The following LARGE1 variants were observed in gnomAD, a reference collection of about 807,000 sequenced individuals.
The protein encoded by LARGE1 is LARGE xylosyl- and glucuronyltransferase 1.
LARGE1 carries 43 observed loss-of-function variants against 87.6 expected under a neutral mutation model. The observed-to-expected ratio is 0.49, with a 90% confidence interval of 0.38 to 0.63. The LOEUF (loss-of-function observed/expected upper bound fraction) is 0.63. LARGE1 is among the 30% of genes least tolerant of loss of function. The probability of loss-of-function intolerance (pLI) is 0.00; values close to 1 mark genes in which losing one functional copy is unlikely to be tolerated. For synonymous variants in LARGE1, 434 were observed against 394.6 expected, an observed-to-expected ratio of 1.10 and a Z score of -1.18; for missense variants, 802 against 1,000.2, an observed-to-expected ratio of 0.80 and a Z score of 2.67.
At chr22:33,787,347 C>T (rs2145954049) in intron 1 of LARGE1, among the ~76,000 whole-genome samples, 1 of 152,272 alleles carries the variant, frequency 6.6e-6, no homozygotes, top group Admixed American at 6.5e-5. Flanking sequence ...CTGATCAGGA[C>T]ATTTTCCCTA....
intron 2 of LARGE1, among the ~76,000 whole-genome samples, chr22:33,698,661 T>C (rs1023384472): frequency 6.6e-6 from 1 of 152,134 alleles, no homozygotes; most frequent in African/African-American, 2.4e-5. Context: ...CTCAGCTACA[T>C]CCCAGGTAGG....
chr22:33,650,118 C>T (rs1343619909), intron 3 of LARGE1, among the ~76,000 whole-genome samples: 1 of 152,196 alleles, frequency 6.6e-6, no homozygotes, highest in Non-Finnish European at 1.5e-5. Context: ...CATCAGTGAG[C>T]TCCTCTTAAT....
At chr22:33,760,509 G>A (rs555546537) in intron 2 of LARGE1, among the ~76,000 whole-genome samples, 1 of 152,184 alleles carries the variant, frequency 6.6e-6, no homozygotes, top group African/African-American at 2.4e-5. Flanking sequence ...CCATCACAAC[G>A]CGCATCGCAA....
intron 1 of LARGE1, among the ~76,000 whole-genome samples, chr22:33,773,197 C>T (rs1247774153): frequency 6.6e-6 from 1 of 152,228 alleles, no homozygotes; most frequent in Non-Finnish European, 1.5e-5. Flanking sequence ...GTGGAATTTC[C>T]TCCCTGAAGG....
the LARGE1 span, among the ~76,000 whole-genome samples, chr22:33,145,272 C>T: frequency 8.5e-5 from 13 of 152,270 alleles, no homozygotes; most frequent in Admixed American, 8.5e-4. Context: ...CCCACCCCTA[C>T]CACCATGTGC....
intron 11 of LARGE1, among the ~76,000 whole-genome samples, chr22:33,314,209 C>A (rs991984963): frequency 1.3e-5 from 2 of 152,090 alleles, no homozygotes; most frequent in Non-Finnish European, 2.9e-5. Flanking sequence ...CTGTCTTTAC[C>A]TGTTACCTGC....
intron 6 of LARGE1, among the ~76,000 whole-genome samples, chr22:33,503,192 A>G (rs140601999): frequency 6.6e-6 from 1 of 152,004 alleles, no homozygotes; most frequent in Non-Finnish European, 1.5e-5. Flanking sequence ...AGTGAAGAAC[A>G]GTGGCCAAGA....
chr22:33,665,621 G>A (rs183541816), intron 2 of LARGE1, among the ~76,000 whole-genome samples: 24 of 152,240 alleles, frequency 1.6e-4, no homozygotes, highest in Admixed American at 9.8e-4. Flanking sequence ...GGCTGCGCGC[G>A]GTGGCTCATA....
At chr22:33,365,623 T>C (rs560527236) in intron 9 of LARGE1, among the ~76,000 whole-genome samples, 2 of 151,806 alleles carry the variant, frequency 1.3e-5, no homozygotes, top group South Asian at 4.2e-4. Flanking sequence ...TCTCTTTTTT[T>C]TTTTTTTTTG....
chr22:33,439,084 T>C (rs1601842655), intron 6 of LARGE1, among the ~76,000 whole-genome samples: 2 of 151,928 alleles, frequency 1.3e-5, no homozygotes, highest in East Asian at 3.9e-4. Context: ...TGTGGTGGCA[T>C]GCACCTGTAA....
intron 6 of LARGE1, among the ~76,000 whole-genome samples, chr22:33,485,769 T>TA (rs1481548189): frequency 1.3e-5 from 2 of 152,094 alleles, no homozygotes; most frequent in African/African-American, 2.4e-5. Context: ...ACCCCCTATT[T>TA]AACACAGTAT....
chr22:33,790,459 G>A (rs1421632257), intron 1 of LARGE1, among the ~76,000 whole-genome samples: 2 of 151,990 alleles, frequency 1.3e-5, no homozygotes, highest in Non-Finnish European at 2.9e-5. Context: ...GATACAGCAG[G>A]AATTTAAACC....
chr22:33,283,180 T>C, intron 13 of LARGE1, 22 bp downstream of exon 13: 1 of 1,613,732 alleles, frequency 6.2e-7, no homozygotes, highest in Non-Finnish European at 8.5e-7. Flanking sequence ...ACCCCCAGAG[T>C]ACAGCAGCTA....
intron 9 of LARGE1, among the ~76,000 whole-genome samples, chr22:33,349,278 A>T (rs1281537616): frequency 3.3e-5 from 5 of 152,150 alleles, no homozygotes; most frequent in Non-Finnish European, 5.9e-5. Flanking sequence ...CCATGGGTCA[A>T]TTCTCATAAT....
At chr22:33,490,252 A>G (rs2069772956) in intron 6 of LARGE1, among the ~76,000 whole-genome samples, 1 of 152,190 alleles carries the variant, frequency 6.6e-6, no homozygotes, top group African/African-American at 2.4e-5. Flanking sequence ...ATCCATCTTC[A>G]TTTATTCACG....
chr22:33,683,375 G>C (rs1047494233), intron 2 of LARGE1, among the ~76,000 whole-genome samples: 1 of 152,188 alleles, frequency 6.6e-6, no homozygotes, highest in East Asian at 1.9e-4. Context: ...ATAGCTGTGG[G>C]TTTTGAGTCT....
intron 2 of LARGE1, among the ~76,000 whole-genome samples, chr22:33,692,237 A>G (rs1371522890): frequency 2.0e-5 from 3 of 152,150 alleles, no homozygotes; most frequent in Admixed American, 2.0e-4. Flanking sequence ...TGATCTCAAA[A>G]CTATTCATGC....
In LARGE1 at chr22:33,276,225, A is replaced by G. The variant is rs574707076; in HGVS notation, c.2073+835T>C. Among the ~76,000 whole-genome samples the G allele has an allele frequency of 2.4e-4, 35 of 146,872 alleles. No homozygotes were observed. In the East Asian group the frequency reaches 4.0e-3, roughly 17 times the overall value. On this transcript the variant is annotated intron_variant, in intron 14 of 14. Transcript: ENST00000397394. ...GCATACAAAAGAAAAGAAAAGAAAA[A>G]AAAAAAAAGGCTGGAGGGACCGAGG...
intron 6 of LARGE1, among the ~76,000 whole-genome samples, chr22:33,525,950 T>C (rs552813738): frequency 6.6e-6 from 1 of 152,308 alleles, no homozygotes; most frequent in South Asian, 2.1e-4. Flanking sequence ...TCAAGAGAAC[T>C]GAAAATGTAT....
Sources: gnomAD v4.1 joint callset for allele counts (sites outside exome capture counted in the v4.1 genomes callset) on GRCh38, gnomAD v4.1.1 for gene constraint, MANE v1.5 for transcripts, NCBI Gene and HGNC (gene_info 2026-07-23, HGNC 2026-07-21) for gene names.